Variants in LAMA1 observed in about 807,000 individuals in gnomAD.
The protein encoded by LAMA1 is laminin subunit alpha-1.
LAMA1 carries 219 observed loss-of-function variants against 348.7 expected under a neutral mutation model. The ratio of observed to expected loss-of-function variants is 0.63; its 90% CI spans 0.56 to 0.70. The LOEUF (loss-of-function observed/expected upper bound fraction) is 0.70. Ranked by LOEUF, LAMA1 falls within the 30% of genes least tolerant of loss-of-function variation. LAMA1 has a pLI of 0.00. For missense variants in LAMA1, 3,744 were observed against 3,888.0 expected, an observed-to-expected ratio of 0.96 and a Z score of 0.99; for synonymous variants, 1,487 against 1,491.0, an observed-to-expected ratio of 1.00 and a Z score of 0.06.
At chr18:7,023,641 G>C (rs1340592428) in intron 18 of LAMA1, among the ~76,000 whole-genome samples, 1 of 152,058 alleles carries the variant, frequency 6.6e-6, no homozygotes, top group Non-Finnish European at 1.5e-5. Context: ...TGACCACTCC[G>C]GATGCCGCAC....
chr18:7,002,326 C>G lies in LAMA1; in HGVS notation c.4320G>C (p.Gly1440=). Residue 1440 remains glycine (G), a synonymous_variant, in exon 30 of 63, where the codon GGG becomes GGC. Coordinates refer to ENST00000389658, the MANE Select transcript of LAMA1 (RefSeq NM_005559.4). ...HCDVCTSGYY[G]KVTGSASDCA... is the part of the protein sequence containing the mutation. ...AGTCACTTGCTGAGCCAGTCACCTTCCCGTAGTAGCCAGAAGTACACACAT... is the reference window on the plus strand; with the variant it reads ...AGTCACTTGCTGAGCCAGTCACCTTGCCGTAGTAGCCAGAAGTACACACAT... 2 of 1,613,746 alleles carry G rather than the reference C, an allele frequency of 1.2e-6. No homozygotes were observed. Among genetic ancestry groups the G allele is most frequent in the Non-Finnish European group, 1.7e-6 (2 of 1,180,012 alleles).
rs532789720 is a variant in LAMA1, at chr18:7,017,388, A to C, written c.2702-4T>G. The C allele has an allele frequency of 3.1e-6, 5 of 1,605,720 alleles. No individual in the cohort carries two copies. The highest frequency in any genetic ancestry group is 1.3e-5 in the African/African-American group (1 of 74,858). On this transcript the variant is annotated splice_region_variant and splice_polypyrimidine_tract_variant and intron_variant, in intron 19 of 62. Transcript: ENST00000389658. ...CCTTTCACATGGCATTCACAGGCTA[A>C]ACACATGCACACAAAGACATATTAA...
intron 61 of LAMA1, among the ~76,000 whole-genome samples, chr18:6,945,857 G>A (rs2057519201): frequency 1.3e-5 from 2 of 152,058 alleles, no homozygotes; most frequent in Non-Finnish European, 2.9e-5. Context: ...ACCACGATAT[G>A]GCTATGGCTC....
chr18:6,955,260 A>T, intron 57 of LAMA1, 93 bp downstream of exon 57: 1 of 966,028 alleles, frequency 1.0e-6, no homozygotes. Context: ...ATAAAATAAA[A>T]GCAGGTTCTT....
chr18:6,988,976 G>A lies in LAMA1; in HGVS notation c.5169-2629C>T, dbSNP rs138078463. On this transcript the variant is annotated intron_variant, in intron 36 of 62. Transcript: ENST00000389658. ...AAGGCCTGCTGGCGAGGTGGGCTGC[G>A]TTCCCACTGATCCCTAACTGCTAAG... Among the ~76,000 whole-genome samples, 97 of 152,224 alleles carry A rather than the reference G, an allele frequency of 6.4e-4. 2 individuals are homozygous for A. The South Asian group carries it at 0.011, about 18-fold the overall frequency.
chr18:7,032,035 G>A (rs750565618), intron 16 of LAMA1, 31 bp downstream of exon 16: 29 of 1,555,760 alleles, frequency 1.9e-5, no homozygotes, highest in South Asian at 8.9e-5. Flanking sequence ...TTGAGGAGGA[G>A]AGGGCACCTG....
chr18:7,102,787 T>C (rs2058296663), intron 1 of LAMA1, among the ~76,000 whole-genome samples: 3 of 152,216 alleles, frequency 2.0e-5, no homozygotes, highest in Admixed American at 2.0e-4. Context: ...ACTTGTTGAC[T>C]ATGTGTGTTA....
chr18:7,011,952 G>A, intron 24 of LAMA1, 43 bp downstream of exon 24: 1 of 1,568,244 alleles, frequency 6.4e-7, no homozygotes, highest in Non-Finnish European at 8.7e-7. Flanking sequence ...CCTCCCAGGG[G>A]AGTGGGGTTA....
At chr18:6,972,477 C>T (rs780474081) in intron 47 of LAMA1, among the ~76,000 whole-genome samples, 3 of 152,180 alleles carry the variant, frequency 2.0e-5, no homozygotes, top group Admixed American at 2.0e-4. Context: ...CAGAAATTAA[C>T]GTGGAGCACT....
intron 45 of LAMA1, among the ~76,000 whole-genome samples, chr18:6,975,362 C>G (rs1321325847): frequency 6.6e-6 from 1 of 152,128 alleles, no homozygotes; most frequent in Non-Finnish European, 1.5e-5. Flanking sequence ...GAGCTTGCTC[C>G]TTTGCCCAGT....
Position 7,002,252 on chromosome 18 carries a change from G to C in LAMA1, c.4382+12C>G. The C allele has an allele frequency of 6.2e-7, 1 of 1,610,454 alleles. No homozygotes were observed. The highest frequency in any genetic ancestry group is 8.5e-7 in the Non-Finnish European group (1 of 1,179,864). On this transcript the variant is annotated intron_variant, in intron 30 of 62. Coordinates refer to ENST00000389658, the MANE Select transcript of LAMA1 (RefSeq NM_005559.4). ...GCAGCCCAGCATGCCAGCTGCCCCTGTGGGGACTCACCTGGCAGGAGGGCT... is the reference window on the plus strand; with the variant it reads ...GCAGCCCAGCATGCCAGCTGCCCCTCTGGGGACTCACCTGGCAGGAGGGCT...
intron 1 of LAMA1, among the ~76,000 whole-genome samples, chr18:7,081,547 A>C (rs1052944266): frequency 6.6e-6 from 1 of 152,150 alleles, no homozygotes; most frequent in Non-Finnish European, 1.5e-5. Flanking sequence ...CCTTTGTCTC[A>C]GCTGATTTTA....
intron 46 of LAMA1, among the ~76,000 whole-genome samples, chr18:6,974,688 T>C (rs1600362813): frequency 1.3e-5 from 2 of 152,078 alleles, no homozygotes; most frequent in African/African-American, 4.8e-5. Flanking sequence ...CCTCAGGTGA[T>C]CCGCCTGCCT....
chr18:7,106,567 T>C (rs11081303), intron 1 of LAMA1, among the ~76,000 whole-genome samples: 107,674 of 151,774 alleles, frequency 0.71, 39,092 homozygotes, highest in East Asian at 0.99. Flanking sequence ...ACCATGTTGG[T>C]CATGATGGTT....
At chr18:7,022,177 C>A (rs1462850804) in intron 19 of LAMA1, among the ~76,000 whole-genome samples, 1 of 152,096 alleles carries the variant, frequency 6.6e-6, no homozygotes, top group Non-Finnish European at 1.5e-5. Context: ...CACAATTTCC[C>A]AACTACCTGT....
intron 42 of LAMA1, 101 bp from the exon 43 acceptor site, chr18:6,978,479 T>C (rs1192380369): frequency 8.8e-7 from 1 of 1,132,764 alleles, no homozygotes; most frequent in Non-Finnish European, 1.3e-6. Context: ...TATATTATTG[T>C]CATATTACTG....
intron 36 of LAMA1, among the ~76,000 whole-genome samples, chr18:6,991,389 CT>C (rs34001050): frequency 0.4 from 46,733 of 116,330 alleles, 8,099 homozygotes; most frequent in East Asian, 0.63. Flanking sequence ...ACTTCTTCTT[CT>C]TTTTTTTTTT....
At chr18:7,024,702 C>T (rs544565367) in intron 17 of LAMA1, among the ~76,000 whole-genome samples, 14 of 152,194 alleles carry the variant, frequency 9.2e-5, no homozygotes, top group Non-Finnish European at 1.9e-4. Flanking sequence ...CTCCCTACTC[C>T]TCTCATTCTC....
chr18:7,021,837 A>T (rs889620029), intron 19 of LAMA1, among the ~76,000 whole-genome samples: 1,344 of 54,450 alleles, frequency 0.025, 30 homozygotes, highest in African/African-American at 0.15. Context: ...TAATATAATA[A>T]TATATTATAT....
Sources: gnomAD v4.1 joint callset for allele counts (sites outside exome capture counted in the v4.1 genomes callset) on GRCh38, gnomAD v4.1.1 for gene constraint, MANE v1.5 for transcripts, NCBI Gene and HGNC (gene_info 2026-07-23, HGNC 2026-07-21) for gene names.